Variants in RAF1 observed in about 807,000 individuals in gnomAD.
The protein encoded by RAF1 is Raf-1 proto-oncogene, serine/threonine kinase.
Under a neutral mutation model 81.1 loss-of-function variants are expected in RAF1, and 27 were observed. The observed-to-expected ratio is 0.33, with a 90% CI of 0.25 to 0.46. The LOEUF (loss-of-function observed/expected upper bound fraction) is 0.46, where lower values mean the gene tolerates loss of function less well. RAF1 is among the 20% of genes least tolerant of loss of function. The pLI is 1.00. For synonymous variants in RAF1, 298 were observed against 294.0 expected, an observed-to-expected ratio of 1.01 and a Z score of -0.14; for missense variants, 598 against 826.0, an observed-to-expected ratio of 0.72 and a Z score of 3.38.
At chr3:12,647,143 A>G (rs1437952889) in intron 1 of RAF1, among the ~76,000 whole-genome samples, 1 of 151,666 alleles carries the variant, frequency 6.6e-6, no homozygotes, top group Non-Finnish European at 1.5e-5. Flanking sequence ...AAAAATACAA[A>G]AAATTAGCCT....
At chr3:12,617,079 C>A (rs1352363274) in intron 2 of RAF1, among the ~76,000 whole-genome samples, 1 of 152,032 alleles carries the variant, frequency 6.6e-6, no homozygotes, top group African/African-American at 2.4e-5. Context: ...GTAGCTGGGA[C>A]TACAGACGTG....
chr3:12,646,054 G>C (rs1282998235), intron 1 of RAF1, among the ~76,000 whole-genome samples: 1 of 152,144 alleles, frequency 6.6e-6, no homozygotes, highest in Non-Finnish European at 1.5e-5. Context: ...AAATTCATTA[G>C]AGCAGTCATA....
chr3:12,587,921 C>A (rs1207062621), intron 13 of RAF1: 1 of 273,732 alleles, frequency 3.7e-6, no homozygotes, highest in Non-Finnish European at 6.7e-6. Context: ...ATCCTCCCAC[C>A]TCCCAGTAGC....
chr3:12,610,698 G>A (rs2059183191), intron 3 of RAF1, among the ~76,000 whole-genome samples: 1 of 152,122 alleles, frequency 6.6e-6, no homozygotes, highest in South Asian at 2.1e-4. Context: ...CCAAACTGCA[G>A]AACTCTTTGA....
At position 12,600,252 on chromosome 3, in the gene RAF1, G is replaced by C; in HGVS notation, c.950C>G (p.Pro317Arg). 1.2e-6 allele frequency: 2 copies of C among 1,614,154 alleles called. No homozygotes were observed. The highest frequency in any genetic ancestry group is 8.5e-7 in the Non-Finnish European group (1 of 1,180,036). ...CCAGCCTGTTGGGCTCAGATTGTTG[G>C]GGCTACTGGACAGGGCTGAAGGTGA... Residue 317 changes from proline (P) to arginine (R), a missense_variant, in exon 10 of 18, where the codon CCC (proline) becomes CGC (arginine). By Grantham distance (103) the Pro-to-Arg change is moderately radical (BLOSUM62 -2). Transcript: ENST00000442415.
intron 3 of RAF1, among the ~76,000 whole-genome samples, chr3:12,609,976 G>GA (rs1376809734): frequency 6.6e-6 from 1 of 152,132 alleles, no homozygotes; most frequent in African/African-American, 2.4e-5. Context: ...AACCACAAAT[G>GA]AAAAATGTAC....
intron 1 of RAF1, among the ~76,000 whole-genome samples, chr3:12,660,679 C>G (rs1241373511): frequency 1.3e-5 from 2 of 152,064 alleles, no homozygotes; most frequent in Non-Finnish European, 2.9e-5. Context: ...TTTATAATCA[C>G]AAAACACCAC....
At position 12,584,640 on chromosome 3, in the gene RAF1, C is replaced by T. The variant is rs747437834; in HGVS notation, c.1881G>A (p.Glu627=). ...TCTTCGGTAGAGAGTGTTGGAGCAGCTCAATGGAAGACAGGATCTGAAACA... is the reference window on the plus strand; with the variant it reads ...TCTTCGGTAGAGAGTGTTGGAGCAGTTCAATGGAAGACAGGATCTGAAACA... The change falls in exon 18 of 18, where the codon GAG becomes GAA. Residue 627 remains glutamate (E), a synonymous_variant. Transcript: ENST00000442415. 6.8e-5 allele frequency: 110 copies of T among 1,613,968 alleles called. No homozygotes were observed. Among genetic ancestry groups the T allele is most frequent in the Admixed American group, 8.3e-5 (5 of 59,986 alleles).
At chr3:12,657,769 A>G (rs1452487984) in intron 1 of RAF1, among the ~76,000 whole-genome samples, 1 of 141,414 alleles carries the variant, frequency 7.1e-6, no homozygotes, top group Non-Finnish European at 1.5e-5. Flanking sequence ...AAAACATCTC[A>G]AAAAAAAAAA....
At chr3:12,593,456 T>C (rs111717212) in intron 11 of RAF1, among the ~76,000 whole-genome samples, 1,567 of 151,214 alleles carry the variant, frequency 0.01, 19 homozygotes, top group African/African-American at 0.036. Context: ...CTCCCTGTGA[T>C]CTCTGGTTTT....
At chr3:12,653,717 C>T (rs1162682694) in intron 1 of RAF1, among the ~76,000 whole-genome samples, 5 of 151,294 alleles carry the variant, frequency 3.3e-5, no homozygotes, top group East Asian at 3.9e-4. Context: ...CCAGCCTGGG[C>T]GACAGAGCAA....
intron 1 of RAF1, among the ~76,000 whole-genome samples, chr3:12,646,135 A>G (rs898260271): frequency 6.6e-6 from 1 of 152,112 alleles, no homozygotes; most frequent in Non-Finnish European, 1.5e-5. Flanking sequence ...ATGGTGTATC[A>G]AAAATCTAAT....
At chr3:12,637,473 C>T (rs2060064268) in intron 1 of RAF1, among the ~76,000 whole-genome samples, 1 of 151,844 alleles carries the variant, frequency 6.6e-6, no homozygotes, top group African/African-American at 2.4e-5. Flanking sequence ...ACACGTTGAC[C>T]AGGCTGTTCT....
At chr3:12,591,069 C>T (rs925339046) in intron 12 of RAF1, 95 bp from the exon 12 acceptor site, 1 of 1,191,380 alleles carries the variant, frequency 8.4e-7, no homozygotes, top group Non-Finnish European at 1.2e-6. Flanking sequence ...GTGCTGTCGA[C>T]ACCACCCCCA....
intron 1 of RAF1, among the ~76,000 whole-genome samples, chr3:12,655,498 C>CAGTTTGG (rs2060663799): frequency 6.6e-6 from 1 of 152,208 alleles, no homozygotes; most frequent in Non-Finnish European, 1.5e-5. Context: ...GGTGCAGTCA[C>CAGTTTGG]TGTGCAAAAC....
intron 1 of RAF1, among the ~76,000 whole-genome samples, chr3:12,619,191 G>C (rs2059473039): frequency 1.3e-5 from 2 of 152,012 alleles, no homozygotes; most frequent in African/African-American, 4.8e-5. Context: ...CTTGCAGTGA[G>C]CGGAGATCAT....
chr3:12,629,941 T>G (rs1479467066), intron 1 of RAF1, among the ~76,000 whole-genome samples: 1 of 152,068 alleles, frequency 6.6e-6, no homozygotes, highest in African/African-American at 2.4e-5. Context: ...CACCACTGAG[T>G]CCAGCTAATT....
intron 1 of RAF1, among the ~76,000 whole-genome samples, chr3:12,631,790 A>C (rs1001814787): frequency 6.6e-6 from 1 of 152,194 alleles, no homozygotes; most frequent in Non-Finnish European, 1.5e-5. Context: ...TACAGACAGC[A>C]TAAGCATGAA....
intron 1 of RAF1, among the ~76,000 whole-genome samples, chr3:12,661,577 T>C (rs1171096874): frequency 5.9e-5 from 9 of 151,478 alleles, no homozygotes; most frequent in Admixed American, 5.3e-4. Context: ...CGTGGTGGAG[T>C]GTGCCTACCC....
Sources: gnomAD v4.1 joint callset for allele counts (sites outside exome capture counted in the v4.1 genomes callset) on GRCh38, gnomAD v4.1.1 for gene constraint, MANE v1.5 for transcripts, NCBI Gene and HGNC (gene_info 2026-07-23, HGNC 2026-07-21) for gene names.